IGF1R: variants seen among roughly 807,000 people sequenced by gnomAD.
The protein encoded by IGF1R is insulin like growth factor 1 receptor, also known as insulin-like growth factor 1 receptor.
Under a neutral mutation model 144.6 loss-of-function variants are expected in IGF1R, and 44 were observed. The ratio of observed to expected loss-of-function variants is 0.30; its 90% confidence interval spans 0.24 to 0.39. The LOEUF (loss-of-function observed/expected upper bound fraction) is 0.39. Ranked by LOEUF, IGF1R falls within the 10% of genes least tolerant of loss-of-function variation. The probability of loss-of-function intolerance (pLI) is 1.00; values close to 1 mark genes in which losing one functional copy is unlikely to be tolerated. For missense variants in IGF1R, 1,355 were observed against 1,833.7 expected (o/e 0.74, Z 4.77); for synonymous variants, 795 against 722.8 (o/e 1.10, Z -1.60).
chr15:98,814,450 A>C (rs1192774246), intron 2 of IGF1R, among the ~76,000 whole-genome samples: 3 of 152,164 alleles, frequency 2.0e-5, no homozygotes, highest in Non-Finnish European at 4.4e-5. Flanking sequence ...TCCTGGGCTT[A>C]AGCGATCCTC....
At chr15:98,653,321 A>G (rs1239810570) in intron 1 of IGF1R, among the ~76,000 whole-genome samples, 1 of 152,158 alleles carries the variant, frequency 6.6e-6, no homozygotes, top group Non-Finnish European at 1.5e-5. Flanking sequence ...GGCTGTTTGT[A>G]TTTCCAGTTT....
At chr15:98,691,367 G>GTTTT (rs746317149) in intron 1 of IGF1R, among the ~76,000 whole-genome samples, 1 of 132,152 alleles carries the variant, frequency 7.6e-6, no homozygotes. Context: ...GGTTTTTTTT[G>GTTTT]TTTTTTTTTT....
chr15:98,654,615 C>T (rs112474939), intron 1 of IGF1R, among the ~76,000 whole-genome samples: 2,158 of 151,364 alleles, frequency 0.014, 41 homozygotes, highest in African/African-American at 0.05. Context: ...TGTGATTTTC[C>T]CCAATTTGTT....
intron 2 of IGF1R, among the ~76,000 whole-genome samples, chr15:98,780,424 C>G (rs953724554): frequency 2.0e-5 from 3 of 151,690 alleles, no homozygotes; most frequent in African/African-American, 4.8e-5. Flanking sequence ...TGGCGCATGC[C>G]TGTAATCCCA....
chr15:98,741,214 G>C (rs1419126409), intron 2 of IGF1R, among the ~76,000 whole-genome samples: 1 of 135,446 alleles, frequency 7.4e-6, no homozygotes, highest in African/African-American at 2.9e-5. Context: ...TGTTGATATG[G>C]CTTTATATAG....
intron 2 of IGF1R, among the ~76,000 whole-genome samples, chr15:98,823,583 T>G (rs997996425): frequency 6.6e-6 from 1 of 152,230 alleles, no homozygotes; most frequent in Non-Finnish European, 1.5e-5. Context: ...CATTTCTTTT[T>G]AAGTGAGAAG....
chr15:98,796,710 A>G (rs933928530), intron 2 of IGF1R, among the ~76,000 whole-genome samples: 6 of 152,226 alleles, frequency 3.9e-5, no homozygotes, highest in African/African-American at 1.2e-4. Flanking sequence ...AATTGTGTCT[A>G]TTGAATGTAT....
intron 2 of IGF1R, among the ~76,000 whole-genome samples, chr15:98,831,251 A>T (rs2056996192): frequency 6.6e-6 from 1 of 152,058 alleles, no homozygotes; most frequent in African/African-American, 2.4e-5. Context: ...CCCACATCTG[A>T]CCCTAGGATT....
At position 98,810,837 on chromosome 15, in the gene IGF1R, C is replaced by T. The variant is rs1338442568; in HGVS notation, c.641-80488C>T. On this transcript the variant is annotated intron_variant, in intron 2 of 20. Transcript: ENST00000650285. ...GGCTGGGATTACAGGCGTGAGCCAC[C>T]ACGCCCAGCCTCTAAATGATTTTCT... Among the ~76,000 whole-genome samples, 12 of 151,686 alleles carry T rather than the reference C, an allele frequency of 7.9e-5. 2 individuals carry two copies. The highest frequency in any genetic ancestry group is 2.4e-4 in the African/African-American group (10 of 41,200).
At chr15:98,953,610 C>T (rs1339272664) in intron 20 of IGF1R, among the ~76,000 whole-genome samples, 2 of 152,104 alleles carry the variant, frequency 1.3e-5, no homozygotes, top group African/African-American at 2.4e-5. Context: ...TGAACGCAGC[C>T]GTGGAAGACT....
At chr15:98,908,966 T>A (rs2014862862) in intron 6 of IGF1R, 67 bp downstream of exon 6, 3 of 1,416,424 alleles carry the variant, frequency 2.1e-6, no homozygotes, top group Non-Finnish European at 9.8e-7. Flanking sequence ...TCCTCCCATG[T>A]GTGATGGCAG....
chr15:98,853,421 T>C (rs943145898), intron 2 of IGF1R, among the ~76,000 whole-genome samples: 2 of 152,212 alleles, frequency 1.3e-5, no homozygotes, highest in African/African-American at 4.8e-5. Context: ...GAGGCTTCTC[T>C]GTGTCACAGG....
At chr15:98,930,149 A>G (rs1288132259) in intron 14 of IGF1R, 86 bp from the exon 15 acceptor site, 1 of 918,928 alleles carries the variant, frequency 1.1e-6, no homozygotes, top group Non-Finnish European at 1.8e-6. Flanking sequence ...GAGAGGATAA[A>G]TGAAACTGTT....
chr15:98,750,116 A>G (rs376841367), intron 2 of IGF1R, among the ~76,000 whole-genome samples: 1 of 152,190 alleles, frequency 6.6e-6, no homozygotes, highest in Non-Finnish European at 1.5e-5. Context: ...GTCATTCTCA[A>G]CCTCTTACCT....
chr15:98,728,012 T>G (rs1001780269), intron 2 of IGF1R, among the ~76,000 whole-genome samples: 3 of 149,844 alleles, frequency 2.0e-5, no homozygotes, highest in Admixed American at 6.6e-5. Context: ...GCATTGTTTT[T>G]TTTTTTTTTT....
chr15:98,960,857 C>T lies in IGF1R; in HGVS notation c.*3415C>T, dbSNP rs371656607. The stretch of plus-strand genomic sequence containing the variant: ...AGGGGTAGACAGAGATGTACCAAAC[C>T]TTCCGGCTGGAAAGCCCAGTGGCCG... On this transcript the variant is annotated 3_prime_UTR_variant, in exon 21 of 21. Transcript: ENST00000650285. 68 of 233,962 alleles carry T rather than the reference C, an allele frequency of 2.9e-4. No individual in the cohort carries two copies. The East Asian group carries it at 4.0e-3, about 14-fold the overall frequency. 14.5% of individuals were successfully genotyped at this position (233,962 alleles called of 1,614,324 possible).
intron 1 of IGF1R, among the ~76,000 whole-genome samples, chr15:98,671,746 C>CT (rs1038720338): frequency 2.6e-5 from 4 of 152,144 alleles, no homozygotes; most frequent in Non-Finnish European, 5.9e-5. Flanking sequence ...TGCCTGTAGA[C>CT]TTTTTTCTCT....
intron 1 of IGF1R, among the ~76,000 whole-genome samples, chr15:98,676,564 A>T (rs948103703): frequency 6.9e-6 from 1 of 145,944 alleles, no homozygotes; most frequent in Admixed American, 6.9e-5. Context: ...CACTCAGGTT[A>T]AAAAAAAAAA....
rs2016646566 is a variant in IGF1R at position 98,948,566 on chromosome 15, C to G, written c.3588-8C>G. The G allele has an allele frequency of 6.2e-7, 1 of 1,613,764 alleles. No homozygotes were observed. Among genetic ancestry groups the G allele is most frequent in the South Asian group, 1.1e-5 (1 of 91,050 alleles). ...TCCAAGCTCCTCACAGTTTTTTTCTCCCTGTAGGTCCTTCGGGGTCGTCCT... is the reference window on the plus strand; with the variant it reads ...TCCAAGCTCCTCACAGTTTTTTTCTGCCTGTAGGTCCTTCGGGGTCGTCCT... On this transcript the variant is annotated splice_region_variant and splice_polypyrimidine_tract_variant and intron_variant, in intron 19 of 20. Coordinates refer to ENST00000650285, the MANE Select transcript of IGF1R (RefSeq NM_000875.5).
Sources: allele counts gnomAD v4.1 joint callset (sites outside exome capture counted in the v4.1 genomes callset), GRCh38; gene constraint gnomAD v4.1.1; transcripts MANE v1.5; gene names NCBI Gene and HGNC (gene_info 2026-07-23, HGNC 2026-07-21).